Variants in ROBO1 observed in about 807,000 individuals in gnomAD.
ROBO1 encodes roundabout homolog 1.
ROBO1 carries 149 observed loss-of-function variants against 195.9 expected under a neutral mutation model. The observed-to-expected ratio is 0.76, with a 90% CI of 0.67 to 0.87. ROBO1 has a LOEUF of 0.87. Ranked by LOEUF, ROBO1 falls within the 40% of genes least tolerant of loss-of-function variation. ROBO1 has a pLI of 0.00. For synonymous variants in ROBO1, 816 were observed against 733.2 expected, an observed-to-expected ratio of 1.11 and a Z score of -1.82; for missense variants, 1,933 against 2,068.3, an observed-to-expected ratio of 0.93 and a Z score of 1.27.
At chr3:78,746,696 C>G in intron 5 of ROBO1, 47 bp downstream of exon 5, 3 of 1,339,932 alleles carry the variant, frequency 2.2e-6, no homozygotes, top group Non-Finnish European at 2.9e-6. Context: ...TAAAGATACA[C>G]ACAGTTAGAC....
intron 23 of ROBO1, among the ~76,000 whole-genome samples, chr3:78,635,116 C>A (rs954811658): frequency 2.6e-5 from 4 of 152,156 alleles, no homozygotes; most frequent in African/African-American, 4.8e-5. Flanking sequence ...TCTTTTCCAA[C>A]TCATACACAT....
At chr3:79,484,141 T>C (rs4387933) in intron 2 of ROBO1, among the ~76,000 whole-genome samples, 46,650 of 151,806 alleles carry the variant, frequency 0.31, 7,380 homozygotes, top group Non-Finnish European at 0.35. Context: ...GTCTTAGAGA[T>C]CCCCCACGGG....
intron 1 of ROBO1, among the ~76,000 whole-genome samples, chr3:79,733,237 C>T (rs1703230637): frequency 6.6e-6 from 1 of 152,180 alleles, no homozygotes; most frequent in Admixed American, 6.5e-5. Flanking sequence ...ATAACAAGTG[C>T]CCAATTATCT....
intron 3 of ROBO1, among the ~76,000 whole-genome samples, chr3:79,100,726 C>G (rs1456803334): frequency 2.0e-5 from 3 of 151,762 alleles, no homozygotes; most frequent in Admixed American, 6.6e-5. Flanking sequence ...TTGTGCTCAT[C>G]TGATCCTTAT....
chr3:79,506,103 AAGAG>A (rs1172536295), intron 2 of ROBO1, among the ~76,000 whole-genome samples: 3 of 152,080 alleles, frequency 2.0e-5, no homozygotes, highest in Admixed American at 6.5e-5. Flanking sequence ...ATTAAATTGA[AAGAG>A]AGATCACAGG....
chr3:79,128,783 C>T (rs1455399345), intron 2 of ROBO1, among the ~76,000 whole-genome samples: 1 of 152,074 alleles, frequency 6.6e-6, no homozygotes, highest in East Asian at 1.9e-4. Flanking sequence ...TGATCAATTC[C>T]AATTTTATAA....
chr3:78,820,606 T>C (rs924934668), intron 4 of ROBO1, among the ~76,000 whole-genome samples: 3 of 152,210 alleles, frequency 2.0e-5, no homozygotes, highest in African/African-American at 7.2e-5. Context: ...TCATTGTTGA[T>C]AGCTCCAGTC....
chr3:79,544,404 T>C (rs1942187378), intron 2 of ROBO1, among the ~76,000 whole-genome samples: 1 of 152,022 alleles, frequency 6.6e-6, no homozygotes, highest in African/African-American at 2.4e-5. Flanking sequence ...AGTTTCTGAT[T>C]ACTGAAATTT....
chr3:79,494,578 A>G (rs1939630491), intron 2 of ROBO1, among the ~76,000 whole-genome samples: 1 of 152,170 alleles, frequency 6.6e-6, no homozygotes, highest in South Asian at 2.1e-4. Flanking sequence ...ATACACATTA[A>G]CAGATTCAGA....
chr3:79,465,954 G>A (rs1488587421), intron 2 of ROBO1, among the ~76,000 whole-genome samples: 9 of 150,832 alleles, frequency 6.0e-5, no homozygotes, highest in Admixed American at 4.0e-4. Context: ...TTTTCTTATG[G>A]TCATTTTAAA....
At chr3:79,187,358 C>T (rs1559721801) in intron 2 of ROBO1, among the ~76,000 whole-genome samples, 1 of 152,004 alleles carries the variant, frequency 6.6e-6, no homozygotes, top group Non-Finnish European at 1.5e-5. Flanking sequence ...TCTCTCTCTA[C>T]TGTGACGATT....
At position 78,899,666 on chromosome 3, in the gene ROBO1, G is replaced by A. The variant is rs575115625; in HGVS notation, c.499+38935C>T. Among the ~76,000 whole-genome samples the A allele has an allele frequency of 3.3e-5, 5 of 152,100 alleles. No homozygotes were observed. The South Asian group carries it at 1.0e-3, about 32-fold the overall frequency. The stretch of plus-strand genomic sequence containing the variant: ...TATTCAAAAGTTAATATTAAACATC[G>A]TTCTTTCATTTAGATGGTAGGAAGA... On this transcript the variant is annotated intron_variant, in intron 4 of 30. Transcript: ENST00000464233.
intron 2 of ROBO1, among the ~76,000 whole-genome samples, chr3:79,542,993 A>G (rs1279937091): frequency 6.6e-6 from 1 of 152,116 alleles, no homozygotes; most frequent in African/African-American, 2.4e-5. Context: ...ATGATTGTAT[A>G]TGACAAGGAC....
At chr3:79,325,977 G>C (rs769756498) in intron 2 of ROBO1, among the ~76,000 whole-genome samples, 37 of 152,054 alleles carry the variant, frequency 2.4e-4, no homozygotes, top group Non-Finnish European at 2.6e-4. Flanking sequence ...TGCGCCTGGG[G>C]GTGGGTCTAT....
intron 2 of ROBO1, among the ~76,000 whole-genome samples, chr3:79,411,103 T>C (rs80140704): frequency 0.01 from 1,579 of 152,242 alleles, 8 homozygotes; most frequent in Non-Finnish European, 0.017. Flanking sequence ...TAAATATAGA[T>C]AGACATAGGA....
At chr3:79,174,772 T>C (rs1279823594) in intron 2 of ROBO1, among the ~76,000 whole-genome samples, 2 of 149,660 alleles carry the variant, frequency 1.3e-5, no homozygotes, top group Non-Finnish European at 3.0e-5. Flanking sequence ...AGGAGAATGG[T>C]GGCAACCTGG....
intron 2 of ROBO1, among the ~76,000 whole-genome samples, chr3:79,365,383 G>A (rs2035931303): frequency 6.6e-6 from 1 of 152,142 alleles, no homozygotes. Flanking sequence ...CCTGAATGTG[G>A]ACAGACAAAT....
At chr3:78,659,305 G>T (rs1210320307) in intron 17 of ROBO1, among the ~76,000 whole-genome samples, 2 of 151,930 alleles carry the variant, frequency 1.3e-5, no homozygotes, top group Non-Finnish European at 2.9e-5. Flanking sequence ...TTCATAAAGA[G>T]GTTTCTCAAT....
intron 4 of ROBO1, among the ~76,000 whole-genome samples, chr3:78,852,898 G>A (rs2034159084): frequency 1.3e-5 from 2 of 152,142 alleles, no homozygotes; most frequent in South Asian, 2.1e-4. Flanking sequence ...TTGGCCAACA[G>A]ATACTATTCA....
Sources: allele counts gnomAD v4.1 joint callset (sites outside exome capture counted in the v4.1 genomes callset), GRCh38; gene constraint gnomAD v4.1.1; transcripts MANE v1.5; gene names NCBI Gene and HGNC (gene_info 2026-07-23, HGNC 2026-07-21).